The following AGTRAP variants were observed in gnomAD, a reference collection of about 807,000 sequenced individuals.
AGTRAP encodes the protein type-1 angiotensin II receptor-associated protein.
In AGTRAP, 7 loss-of-function variants were observed where a neutral mutation model predicts 15.2. The ratio of observed to expected loss-of-function variants is 0.46; its 90% CI spans 0.26 to 0.87. AGTRAP has a LOEUF of 0.87. Ranked by LOEUF, AGTRAP falls within the 40% of genes least tolerant of loss-of-function variation. The pLI, the probability that AGTRAP is intolerant of heterozygous loss-of-function variation, is 0.15. For synonymous variants in AGTRAP, 74 were observed against 89.6 expected, an observed-to-expected ratio of 0.83 and a Z score of 0.98; for missense variants, 187 against 213.4, an observed-to-expected ratio of 0.88 and a Z score of 0.77.
intron 1 of AGTRAP, among the ~76,000 whole-genome samples, chr1:11,742,754 C>A (rs1642063237): frequency 6.6e-6 from 1 of 152,198 alleles, no homozygotes; most frequent in Non-Finnish European, 1.5e-5. Flanking sequence ...TGTTCTCGAA[C>A]TCCTGGGCTC....
chr1:11,737,600 C>T (rs750008477), intron 1 of AGTRAP, among the ~76,000 whole-genome samples: 1 of 152,120 alleles, frequency 6.6e-6, no homozygotes. Context: ...CAAGGTCCCA[C>T]GGGGAGTAAG....
chr1:11,747,004 C>T (rs541820166), intron 2 of AGTRAP, among the ~76,000 whole-genome samples: 2 of 152,302 alleles, frequency 1.3e-5, no homozygotes, highest in South Asian at 2.1e-4. Context: ...GGGCGCCCGC[C>T]GCACAGGGCA....
chr1:11,747,577 G>C, intron 3 of AGTRAP, 32 bp downstream of exon 3: 1 of 1,604,740 alleles, frequency 6.2e-7, no homozygotes, highest in East Asian at 2.2e-5. Flanking sequence ...GCGGCAAGGC[G>C]GGGAGCCGCA....
chr1:11,745,743 T>G lies in AGTRAP; in HGVS notation c.28-60T>G. The G allele has an allele frequency of 6.3e-7, 1 of 1,589,962 alleles. No individual in the cohort carries two copies. The highest frequency in any genetic ancestry group is 8.6e-7 in the Non-Finnish European group (1 of 1,158,044). ...TCCTGTGTTTTCTGCACCCGACGCT[T>G]TCCTGCCCCTGTGGTGGTCATGTTC... On this transcript the variant is annotated intron_variant, in intron 1 of 4. Coordinates refer to ENST00000314340, the MANE Select transcript of AGTRAP (RefSeq NM_020350.5). This position sits in a 1 kb window ranked among gnomAD's most constrained non-coding sequence, Gnocchi z 4.2.
Position 11,750,531 on chromosome 1 carries a change from T to A in AGTRAP, c.*339T>A. 1.8e-6 allele frequency: 1 copy of A among 555,430 alleles called. No homozygotes were observed. Among genetic ancestry groups the A allele is most frequent in the Non-Finnish European group, 3.2e-6 (1 of 311,340 alleles). 34.4% of individuals were successfully genotyped at this position (555,430 alleles called of 1,614,324 possible). On this transcript the variant is annotated 3_prime_UTR_variant, in exon 5 of 5. Coordinates refer to ENST00000314340, the MANE Select transcript of AGTRAP (RefSeq NM_020350.5). ...AGCTCAGGCCTTTAAGGACTGCTGA[T>A]GCCCCCTCAGGCCTCCCCCAAGTTT... is the stretch of plus-strand genomic sequence containing the variant.
At chr1:11,740,688 G>C (rs1642010139) in intron 1 of AGTRAP, among the ~76,000 whole-genome samples, 1 of 152,158 alleles carries the variant, frequency 6.6e-6, no homozygotes, top group Non-Finnish European at 1.5e-5. Context: ...CATGCTAACT[G>C]CCATTCTTTC....
At position 11,737,992 on chromosome 1, in the gene AGTRAP, T is replaced by C. The variant is rs1175942396; in HGVS notation, c.27+1757T>C. ...TTTCAGATCAACAACGAACAGTTTT[T>C]TAGTATGAGTAAGTCTCAGGCAATA... On this transcript the variant is annotated intron_variant, in intron 1 of 4. Coordinates refer to ENST00000314340, the MANE Select transcript of AGTRAP (RefSeq NM_020350.5). Among the ~76,000 whole-genome samples the C allele has an allele frequency of 4.6e-5, 7 of 152,304 alleles. No homozygotes were observed. In the East Asian group the frequency reaches 1.3e-3, roughly 29 times the overall value.
chr1:11,736,151 G>A lies in AGTRAP; in HGVS notation c.-58G>A. ...GGGGCCGGGCAAGTTTGTTCCCCGA[G>A]TTCGGAGCCTAGGAGCCCCCCGCGG... On this transcript the variant is annotated 5_prime_UTR_variant, in exon 1 of 5. Transcript: ENST00000314340. 6.4e-7 allele frequency: 1 copy of A among 1,569,924 alleles called. No individual in the cohort carries two copies. Among genetic ancestry groups the A allele is most frequent in the Non-Finnish European group, 8.6e-7 (1 of 1,157,740 alleles).
In AGTRAP at chr1:11,736,181, G is replaced by A; in HGVS notation, c.-28G>A. The A allele has an allele frequency of 6.3e-7, 1 of 1,597,040 alleles. No individual in the cohort carries two copies. The highest frequency in any genetic ancestry group is 8.5e-7 in the Non-Finnish European group (1 of 1,173,182). ...GAGCCTAGGAGCCCCCCGCGGCTGC[G>A]GCGCAGGTGCCCTCGGCCTGAGTCG... On this transcript the variant is annotated 5_prime_UTR_variant, in exon 1 of 5. Coordinates refer to ENST00000314340, the MANE Select transcript of AGTRAP (RefSeq NM_020350.5).
At chr1:11,746,105 C>T in intron 2 of AGTRAP, 1 of 1,608,928 alleles carries the variant, frequency 6.2e-7, no homozygotes, top group South Asian at 1.1e-5. Flanking sequence ...TTCACCTTTA[C>T]CATCTCTTTT....
rs1642139865 is a variant in AGTRAP at position 11,745,532 on chromosome 1, C to T, written c.28-271C>T. Among the ~76,000 whole-genome samples, 2 of 152,162 alleles carry T rather than the reference C, an allele frequency of 1.3e-5. No individual in the cohort carries two copies. Among genetic ancestry groups the T allele is most frequent in the African/African-American group, 2.4e-5 (1 of 41,436 alleles). On this transcript the variant is annotated intron_variant, in intron 1 of 4. Coordinates refer to ENST00000314340, the MANE Select transcript of AGTRAP (RefSeq NM_020350.5). The surrounding 1 kb of genome is among the most constrained non-coding windows in gnomAD (Gnocchi z 4.2). ...CAAGATGGAATTGCTCTGGTTCATA[C>T]GCCTCTGACGCTTGGAAGGGGTGTG...
chr1:11,744,271 T>C (rs1642106574), intron 1 of AGTRAP, among the ~76,000 whole-genome samples: 1 of 152,096 alleles, frequency 6.6e-6, no homozygotes, highest in African/African-American at 2.4e-5. Context: ...CAAGACCCTG[T>C]CTCCAAATTT....
chr1:11,744,842 A>AAATT (rs926167134), intron 1 of AGTRAP, among the ~76,000 whole-genome samples: 1 of 152,170 alleles, frequency 6.6e-6, no homozygotes, highest in Non-Finnish European at 1.5e-5. Flanking sequence ...CTTTTTAAAA[A>AAATT]AATTAATTAA....
rs747646058 is a variant in AGTRAP at position 11,745,961 on chromosome 1, G to A, written c.62+124G>A. 19 of 1,403,780 alleles carry A rather than the reference G, an allele frequency of 1.4e-5. No individual in the cohort carries two copies. The highest frequency in any genetic ancestry group is 1.8e-4 in the Middle Eastern group (1 of 5,682). 87.0% of individuals were successfully genotyped at this position (1,403,780 alleles called of 1,614,324 possible). The stretch of plus-strand genomic sequence containing the variant: ...TTGGGCCAGACAGCTCTGCCTCTCC[G>A]GGTCTTGATTTCCGTCTGTACAATA... On this transcript the variant is annotated intron_variant, in intron 2 of 4. Transcript: ENST00000314340. The surrounding 1 kb of genome is among the most constrained non-coding windows in gnomAD (Gnocchi z 4.2).
chr1:11,745,716 C>G lies in AGTRAP; in HGVS notation c.28-87C>G. On this transcript the variant is annotated intron_variant, in intron 1 of 4. Transcript: ENST00000314340. The surrounding 1 kb of genome is among the most constrained non-coding windows in gnomAD (Gnocchi z 4.2). ...CCCTCAGAGGTGCCAGGCGCAGGGG[C>G]GTCCTGTGTTTTCTGCACCCGACGC... The G allele has an allele frequency of 7.0e-7, 1 of 1,425,196 alleles. No homozygotes were observed. Among genetic ancestry groups the G allele is most frequent in the Non-Finnish European group, 9.9e-7 (1 of 1,008,698 alleles). The allele number at this position is 1,425,196 out of a possible 1,614,324, so 88.3% of individuals were successfully genotyped here.
chr1:11,739,898 G>A (rs1266389250), intron 1 of AGTRAP, among the ~76,000 whole-genome samples: 1 of 152,222 alleles, frequency 6.6e-6, no homozygotes, highest in Non-Finnish European at 1.5e-5. Context: ...TACTGCCTCC[G>A]TTTCGCAGAA....
intron 3 of AGTRAP, 116 bp from the exon 4 acceptor site, chr1:11,748,299 T>C: frequency 8.4e-7 from 1 of 1,184,856 alleles, no homozygotes. Flanking sequence ...TGATCCATTT[T>C]CCCGCAAGCC....
chr1:11,747,312 G>A (rs1642185954), intron 2 of AGTRAP, 128 bp from the exon 3 acceptor site: 2 of 827,952 alleles, frequency 2.4e-6, no homozygotes, highest in Admixed American at 3.9e-5. Flanking sequence ...GGGATTTGCT[G>A]GCACACAGCC....
intron 2 of AGTRAP, 93 bp from the exon 3 acceptor site, chr1:11,747,347 G>A: frequency 1.7e-6 from 2 of 1,188,510 alleles, no homozygotes; most frequent in Admixed American, 1.7e-5. Context: ...ACTATGGCAT[G>A]TTCTGGGAGG....
Sources: allele counts gnomAD v4.1 joint callset (sites outside exome capture counted in the v4.1 genomes callset), GRCh38; gene constraint gnomAD v4.1.1; non-coding constraint Gnocchi (gnomAD v3.1); transcripts MANE v1.5; gene names NCBI Gene and HGNC (gene_info 2026-07-23, HGNC 2026-07-21).